Variants in PLA1A observed in about 807,000 individuals in gnomAD.
The protein encoded by PLA1A is phosphatidylserine-specific phospholipase A1alpha.
In PLA1A, 47 loss-of-function variants were observed where a neutral mutation model predicts 49.4. That is an observed-to-expected ratio of 0.95 (90% CI 0.75 to 1.21). The LOEUF is 1.21. PLA1A is among the 50% of genes most tolerant of loss of function. The pLI is 0.00. For missense variants in PLA1A, 561 were observed against 563.9 expected (o/e 0.99, Z 0.05); for synonymous variants, 224 against 207.9 (o/e 1.08, Z -0.67).
intron 2 of PLA1A, among the ~76,000 whole-genome samples, chr3:119,608,546 A>G (rs1483711309): frequency 6.6e-6 from 1 of 152,054 alleles, no homozygotes. Flanking sequence ...AACAAAAGGC[A>G]AAGTTTTATA....
Position 119,625,197 on chromosome 3 carries a change from T to C in PLA1A, c.1086T>C (p.Leu362=). 2 of 1,612,936 alleles carry C rather than the reference T, an allele frequency of 1.2e-6. No homozygotes were observed. Among genetic ancestry groups the C allele is most frequent in the Non-Finnish European group, 1.7e-6 (2 of 1,178,916 alleles). ...NKDTNIEVTF[L]SSNITSSSKI... The stretch of plus-strand genomic sequence containing the variant: ...ACACCAACATCGAGGTTACCTTCCT[T>C]AGCAGTAACATCACCTCTTCATCTA... The change falls in exon 9 of 11, where the codon CTT becomes CTC. Residue 362 remains leucine, a synonymous_variant. Transcript: ENST00000273371.
chr3:119,598,432 T>C (rs2692623), intron 1 of PLA1A, among the ~76,000 whole-genome samples: 42,710 of 152,112 alleles, frequency 0.28, 8,403 homozygotes, highest in African/African-American at 0.54. Context: ...TCAAGTGGTT[T>C]GTCATCCTGG....
chr3:119,605,725 G>A lies in PLA1A; in HGVS notation c.74-1049G>A, dbSNP rs1560077330. ...TCTGCATCACAGAAGTGGGGATCGGGGTGTGATGCTGGGTGCTGAAAATGG... is the reference window on the plus strand; with the variant it reads ...TCTGCATCACAGAAGTGGGGATCGGAGTGTGATGCTGGGTGCTGAAAATGG... On this transcript the variant is annotated intron_variant, in intron 1 of 10. Coordinates refer to ENST00000273371, the MANE Select transcript of PLA1A (RefSeq NM_015900.4). Among the ~76,000 whole-genome samples, 3 of 152,216 alleles carry A rather than the reference G, an allele frequency of 2.0e-5. No individual in the cohort carries two copies. In the South Asian group the frequency reaches 6.2e-4, roughly 32 times the overall value.
intron 9 of PLA1A, among the ~76,000 whole-genome samples, chr3:119,625,793 G>T (rs2052524844): frequency 2.6e-5 from 4 of 152,154 alleles, no homozygotes; most frequent in Admixed American, 2.6e-4. Flanking sequence ...TCCTTTGTTG[G>T]GGCAGACTTG....
chr3:119,617,981 C>T (rs530064821), intron 6 of PLA1A, 38 bp from the exon 7 acceptor site: 4 of 1,529,940 alleles, frequency 2.6e-6, no homozygotes, highest in Middle Eastern at 1.7e-4. Context: ...TTCCATTTGT[C>T]TTGACTGAAA....
At chr3:119,603,066 G>A (rs865825297) in intron 1 of PLA1A, among the ~76,000 whole-genome samples, 46 of 152,146 alleles carry the variant, frequency 3.0e-4, no homozygotes, top group Admixed American at 1.8e-3. Context: ...GGAGTGGGGT[G>A]GATTAGCTCA....
intron 5 of PLA1A, among the ~76,000 whole-genome samples, 154 bp from the exon 6 acceptor site, chr3:119,615,856 GAA>G (rs1281146339): frequency 1.3e-5 from 2 of 151,922 alleles, no homozygotes; most frequent in African/African-American, 4.8e-5. Flanking sequence ...GAAAAGAAAA[GAA>G]AAGAAATCTG....
intron 8 of PLA1A, among the ~76,000 whole-genome samples, chr3:119,624,346 A>G (rs2082986856): frequency 6.6e-6 from 1 of 152,194 alleles, no homozygotes; most frequent in Non-Finnish European, 1.5e-5. Context: ...TAGAGCCTTC[A>G]TGACTTAATC....
chr3:119,624,186 G>A lies in PLA1A; in HGVS notation c.1013-938G>A, dbSNP rs566034201. ...CCGGCACTCCATGTCTATAAGGGTT[G>A]CACTTTCTGCTCCCAAGAAGGTGCT... On this transcript the variant is annotated intron_variant, in intron 8 of 10. Coordinates refer to ENST00000273371, the MANE Select transcript of PLA1A (RefSeq NM_015900.4). Among the ~76,000 whole-genome samples, 9 of 152,328 alleles carry A rather than the reference G, an allele frequency of 5.9e-5. No individual in the cohort carries two copies. The South Asian group carries it at 1.7e-3, about 28-fold the overall frequency.
At chr3:119,617,258 G>A (rs2082860835) in intron 6 of PLA1A, among the ~76,000 whole-genome samples, 2 of 152,186 alleles carry the variant, frequency 1.3e-5, no homozygotes, top group African/African-American at 4.8e-5. Context: ...GGTGTAGAGA[G>A]TGACCACAAA....
At chr3:119,605,521 C>G (rs2107778374) in intron 1 of PLA1A, among the ~76,000 whole-genome samples, 1 of 152,362 alleles carries the variant, frequency 6.6e-6, no homozygotes, top group Admixed American at 6.5e-5. Flanking sequence ...TCTTCCTCAA[C>G]AAAGGGGCTC....
chr3:119,622,509 A>T (rs2082956787), intron 8 of PLA1A, among the ~76,000 whole-genome samples: 1 of 152,146 alleles, frequency 6.6e-6, no homozygotes, highest in Non-Finnish European at 1.5e-5. Flanking sequence ...GGTTCTTGGC[A>T]TCTTGGCACC....
rs2052544051 is a variant in PLA1A, at chr3:119,626,770, C to T, written c.1121+1538C>T. ...CCGTGGCCACTAGCTGGTGTTCCTTCTGGCTCACCCAAAGTCACACAGCTA... is the reference window on the plus strand; with the variant it reads ...CCGTGGCCACTAGCTGGTGTTCCTTTTGGCTCACCCAAAGTCACACAGCTA... On this transcript the variant is annotated intron_variant, in intron 9 of 10. Coordinates refer to ENST00000273371, the MANE Select transcript of PLA1A (RefSeq NM_015900.4). Among the ~76,000 whole-genome samples the T allele has an allele frequency of 2.6e-5, 4 of 152,290 alleles. No individual in the cohort carries two copies. In the South Asian group the frequency reaches 8.3e-4, roughly 32 times the overall value.
intron 1 of PLA1A, among the ~76,000 whole-genome samples, chr3:119,601,987 A>G (rs1444415499): frequency 6.6e-6 from 1 of 152,026 alleles, no homozygotes; most frequent in East Asian, 1.9e-4. Flanking sequence ...ACAGCCTTTA[A>G]TTCTTTGCAA....
chr3:119,599,384 C>G (rs1055827140), intron 1 of PLA1A, among the ~76,000 whole-genome samples: 2 of 151,986 alleles, frequency 1.3e-5, no homozygotes, highest in African/African-American at 4.8e-5. Flanking sequence ...GAGGTATCAC[C>G]TAGGAGAGCT....
At chr3:119,605,461 C>T (rs1173721848) in intron 1 of PLA1A, among the ~76,000 whole-genome samples, 1 of 152,236 alleles carries the variant, frequency 6.6e-6, no homozygotes, top group Non-Finnish European at 1.5e-5. Context: ...TATATGAGCT[C>T]CCAGTTACCT....
chr3:119,604,409 A>G (rs1362585613), intron 1 of PLA1A, among the ~76,000 whole-genome samples: 2 of 152,258 alleles, frequency 1.3e-5, no homozygotes, highest in Admixed American at 1.3e-4. Context: ...GTATACATAC[A>G]CAAAGGAATA....
Position 119,629,446 on chromosome 3 carries a change from AC to A in PLA1A, c.1351del (p.Leu451Ter), listed in dbSNP as rs1420776586. 6.2e-7 allele frequency: 1 copy of A among 1,606,160 alleles called. No individual in the cohort carries two copies. Among genetic ancestry groups the A allele is most frequent in the African/African-American group, 1.3e-5 (1 of 74,354 alleles). ...NLQASVTVSC[D>X]LKIACV ...CAAGCAAGTGTGACTGTTTCCTGTG[AC>A]CTGAAGATAGCCTGTGTGTAGTTTA... On this transcript the variant is annotated frameshift_variant, in exon 11 of 11. Coordinates refer to ENST00000273371, the MANE Select transcript of PLA1A (RefSeq NM_015900.4). LOFTEE classifies it high-confidence loss of function.
In PLA1A at chr3:119,625,186, G is replaced by T. The variant is rs747309851; in HGVS notation, c.1075G>T (p.Val359Phe). ...ELRNKDTNIEVTFLSSNITSS... is the reference protein window; with the variant it reads ...ELRNKDTNIEFTFLSSNITSS... ...GAGAAACAAGGACACCAACATCGAG[G>T]TTACCTTCCTTAGCAGTAACATCAC... Residue 359 changes from valine (V) to phenylalanine (F), a missense_variant, in exon 9 of 11, where the codon GTT becomes TTT. Physicochemically the swap from Val to Phe is conservative, Grantham distance 50 (BLOSUM62 -1). Coordinates refer to ENST00000273371, the MANE Select transcript of PLA1A (RefSeq NM_015900.4). The T allele has an allele frequency of 1.9e-6, 3 of 1,613,796 alleles. No individual in the cohort carries two copies. The highest frequency in any genetic ancestry group is 2.5e-6 in the Non-Finnish European group (3 of 1,179,712).
Sources: allele counts gnomAD v4.1 joint callset (sites outside exome capture counted in the v4.1 genomes callset), GRCh38; gene constraint gnomAD v4.1.1; transcripts MANE v1.5; gene names NCBI Gene and HGNC (gene_info 2026-07-23, HGNC 2026-07-21).